Variants in TEKTL1 observed in about 807,000 individuals in gnomAD.
The protein encoded by TEKTL1 is tektin-like protein 1.
chr19:15,021,612 C>T, the TEKTL1 span: 22 of 1,613,784 alleles, frequency 1.4e-5, no homozygotes, highest in South Asian at 2.2e-4. Flanking sequence ...TTCCCTGCCC[C>T]CAGGAAAGAT....
the TEKTL1 span, chr19:15,010,921 GC>G: frequency 5.7e-6 from 9 of 1,578,358 alleles, no homozygotes; most frequent in Non-Finnish European, 7.7e-6. Context: ...CGAGGACCGC[GC>G]ACATTCTGAC....
the TEKTL1 span, among the ~76,000 whole-genome samples, chr19:15,019,881 C>T: frequency 1.3e-5 from 2 of 151,502 alleles, no homozygotes; most frequent in Admixed American, 6.6e-5. Context: ...GCAAGAGGAT[C>T]GCTTGAGCCC....
At chr19:15,017,438 T>C in the TEKTL1 span, among the ~76,000 whole-genome samples, 7,008 of 152,252 alleles carry the variant, frequency 0.046, 218 homozygotes, top group Non-Finnish European at 0.071. Flanking sequence ...CAAAGGAATA[T>C]GATATGCTTC....
the TEKTL1 span, chr19:15,011,155 G>T: frequency 2.0e-6 from 3 of 1,526,848 alleles, no homozygotes; most frequent in Admixed American, 2.2e-5. Context: ...CCCGCCTGCC[G>T]CTACCCTTGC....
chr19:15,016,931 G>C, the TEKTL1 span, among the ~76,000 whole-genome samples: 1 of 152,192 alleles, frequency 6.6e-6, no homozygotes, highest in East Asian at 1.9e-4. Flanking sequence ...ACTCGGCTGG[G>C]TGCAGCGGCT....
chr19:15,016,011 G>T, the TEKTL1 span, among the ~76,000 whole-genome samples: 1 of 151,892 alleles, frequency 6.6e-6, no homozygotes, highest in Non-Finnish European at 1.5e-5. Context: ...GGACCTTGAA[G>T]GCAGATACAG....
the TEKTL1 span, chr19:15,023,275 TA>T: frequency 2.5e-5 from 17 of 679,400 alleles, no homozygotes; most frequent in Admixed American, 2.4e-4. Context: ...AATTATCATG[TA>T]TTAGGCACCT....
At chr19:15,014,707 G>C in the TEKTL1 span, among the ~76,000 whole-genome samples, 6 of 132,266 alleles carry the variant, frequency 4.5e-5, no homozygotes, top group Non-Finnish European at 9.7e-5. Context: ...GGGTGTGGAC[G>C]AGGCAGGAGA....
At chr19:15,016,185 C>CTTTTTTT in the TEKTL1 span, among the ~76,000 whole-genome samples, 80 of 66,746 alleles carry the variant, frequency 1.2e-3, 3 homozygotes, top group African/African-American at 3.4e-3. Context: ...GACAGCTGTC[C>CTTTTTTT]TTTTTTTTTT....
At chr19:15,020,325 A>AT in the TEKTL1 span, 1 of 696,792 alleles carries the variant, frequency 1.4e-6, no homozygotes. Flanking sequence ...AAAAAAAATG[A>AT]GAGTGTCAGT....
chr19:15,014,738 C>CGGGGGGAGG, the TEKTL1 span, among the ~76,000 whole-genome samples: 1 of 29,804 alleles, frequency 3.4e-5, no homozygotes, highest in African/African-American at 1.3e-4. Flanking sequence ...GGGCGGGGGG[C>CGGGGGGAGG]GGGGGCTGCT....
the TEKTL1 span, chr19:15,023,210 TG>T: frequency 8.6e-7 from 1 of 1,167,744 alleles, no homozygotes; most frequent in South Asian, 1.6e-5. Context: ...CCCTCTCCCC[TG>T]ACGCACCCTC....
chr19:15,020,575 T>C, the TEKTL1 span: 1 of 1,614,120 alleles, frequency 6.2e-7, no homozygotes, highest in Non-Finnish European at 8.5e-7. Flanking sequence ...ACGCCACTCA[T>C]GGGTGAACCT....
At chr19:15,010,958 A>AC in the TEKTL1 span, 1 of 1,592,096 alleles carries the variant, frequency 6.3e-7, no homozygotes, top group Non-Finnish European at 8.5e-7. Flanking sequence ...GGAGGCGGTG[A>AC]CCATGTGGCA....
chr19:15,013,884 C>G, the TEKTL1 span: 1 of 660,142 alleles, frequency 1.5e-6, no homozygotes, highest in Admixed American at 2.6e-5. Flanking sequence ...TTCCTTCAAG[C>G]CACACTGACC....
the TEKTL1 span, among the ~76,000 whole-genome samples, chr19:15,018,279 G>A: frequency 2.0e-5 from 3 of 152,150 alleles, no homozygotes; most frequent in African/African-American, 4.8e-5. Flanking sequence ...CTTTGAACCC[G>A]GGAGGCAGAG....
At chr19:15,022,148 C>G in the TEKTL1 span, among the ~76,000 whole-genome samples, 2 of 152,098 alleles carry the variant, frequency 1.3e-5, no homozygotes, top group African/African-American at 2.4e-5. Flanking sequence ...TGTCCTCCCC[C>G]CTCACACACA....
the TEKTL1 span, chr19:15,021,373 G>A: frequency 2.5e-6 from 4 of 1,614,208 alleles, no homozygotes; most frequent in East Asian, 2.2e-5. Flanking sequence ...GGCGCTAAAC[G>A]AAGCCAAGCG....
the TEKTL1 span, chr19:15,011,070 G>C: frequency 6.3e-7 from 1 of 1,574,818 alleles, no homozygotes; most frequent in Non-Finnish European, 8.6e-7. Context: ...AAAGGCGGCG[G>C]CACCTTGGAG....
Sources: gnomAD v4.1 joint callset for allele counts (sites outside exome capture counted in the v4.1 genomes callset) on GRCh38, gnomAD v4.1.1 for gene constraint, MANE v1.5 for transcripts, NCBI Gene and HGNC (gene_info 2026-07-23, HGNC 2026-07-21) for gene names.